The following SLC25A10 variants were observed in gnomAD, a reference collection of about 807,000 sequenced individuals.
SLC25A10 encodes mitochondrial dicarboxylate carrier.
In SLC25A10, 32 loss-of-function variants were observed where a neutral mutation model predicts 40.4. The ratio of observed to expected loss-of-function variants is 0.79; its 90% CI spans 0.60 to 1.06. The LOEUF (loss-of-function observed/expected upper bound fraction) is 1.06, where lower values mean the gene tolerates loss of function less well. Among genes scored for constraint, SLC25A10 ranks in the 50% least tolerant of loss-of-function variants. SLC25A10 has a pLI of 0.00. For missense variants in SLC25A10, 394 were observed against 402.6 expected, an observed-to-expected ratio of 0.98 and a Z score of 0.18; for synonymous variants, 181 against 171.1, an observed-to-expected ratio of 1.06 and a Z score of -0.45.
intron 9 of SLC25A10, among the ~76,000 whole-genome samples, chr17:81,719,614 C>T (rs1216796983): frequency 1.3e-5 from 2 of 152,194 alleles, no homozygotes; most frequent in Admixed American, 6.5e-5. Flanking sequence ...CTGGTTGTAC[C>T]GCATGAGCAG....
chr17:81,713,496 G>A (rs1413436619), intron 1 of SLC25A10: 5 of 985,334 alleles, frequency 5.1e-6, no homozygotes, highest in Non-Finnish European at 4.8e-6. Context: ...TGGTCGCTGC[G>A]TGAAGGCCAG....
At chr17:81,716,595 T>C (rs1415013976) in intron 5 of SLC25A10, 11 of 596,566 alleles carry the variant, frequency 1.8e-5, no homozygotes, top group African/African-American at 3.7e-5. Flanking sequence ...AGGGACTCTG[T>C]TGGAAACGAT....
At chr17:81,715,152 T>A in intron 2 of SLC25A10, 80 bp downstream of exon 2, 1 of 1,555,154 alleles carries the variant, frequency 6.4e-7, no homozygotes, top group Non-Finnish European at 8.7e-7. Flanking sequence ...CCGTCCCCTT[T>A]TCAAGACTTT....
In SLC25A10 at chr17:81,714,978, T is replaced by C; in HGVS notation, c.119T>C (p.Val40Ala). ...GTGCATCTGCAGACGCAGCAGGAGG[T>C]GAAGCTGCGCATGACGGGCATGGCG... ...LKVHLQTQQE[V>A]KLRMTGMALR... Residue 40 changes from valine (V) to alanine (A), a missense_variant, in exon 2 of 11, where the codon GTG (valine) becomes GCG (alanine). Physicochemically the swap from Val to Ala is moderately conservative, Grantham distance 64. Coordinates refer to ENST00000350690, the MANE Select transcript of SLC25A10 (RefSeq NM_012140.5). 1 of 1,609,148 alleles carries C rather than the reference T, an allele frequency of 6.2e-7. No individual in the cohort carries two copies. The highest frequency in any genetic ancestry group is 1.1e-5 in the South Asian group (1 of 90,992).
In SLC25A10 at chr17:81,717,506, T is replaced by G; in HGVS notation, c.627+15T>G. The G allele has an allele frequency of 6.2e-7, 1 of 1,612,996 alleles. No homozygotes were observed. The highest frequency in any genetic ancestry group is 8.5e-7 in the Non-Finnish European group (1 of 1,179,548). ...GCTTTATTGCAGTAAGTGGCCGGCA[T>G]GGCTAGGGTGGGCGTCCCTGGGCCG... On this transcript the variant is annotated intron_variant, in intron 8 of 10. Transcript: ENST00000350690.
rs199532337 is a variant in SLC25A10, at chr17:81,717,046, C to T, written c.508C>T (p.Arg170Ter). The T allele has an allele frequency of 1.7e-5, 28 of 1,613,650 alleles. No individual in the cohort carries two copies. Among genetic ancestry groups the T allele is most frequent in the Non-Finnish European group, 2.1e-5 (25 of 1,179,996 alleles). Residue 170 changes from arginine (R) to a stop codon, truncating the protein, a stop_gained, in exon 7 of 11, where the codon CGA becomes TGA. Coordinates refer to ENST00000350690, the MANE Select transcript of SLC25A10 (RefSeq NM_012140.5). LOFTEE classifies it high-confidence loss of function. ...LFSGATMASS[R>*]GALVTVGQLS... Reference sequence around the variant, plus strand: ...CTCGGGTGCAACCATGGCATCCAGCCGAGGGGCCTTAGTCACTGTGGGCCA... The same window carrying T: ...CTCGGGTGCAACCATGGCATCCAGCTGAGGGGCCTTAGTCACTGTGGGCCA...
At position 81,712,464 on chromosome 17, in the gene SLC25A10, G is replaced by T; in HGVS notation, c.38G>T (p.Gly13Val). ...AEARVSRWYFGGLASCGAACC... is the reference protein window; with the variant it reads ...AEARVSRWYFVGLASCGAACC... The stretch of plus-strand genomic sequence containing the variant: ...GCGCGCGTGTCGCGCTGGTACTTCG[G>T]GGGGCTGGCCTCCTGCGGGGCCGCC... The change falls in exon 1 of 11, where the codon GGG becomes GTG. Residue 13 changes from glycine (G) to valine (V), a missense_variant. Coordinates refer to ENST00000350690, the MANE Select transcript of SLC25A10 (RefSeq NM_012140.5). 11 of 1,310,198 alleles carry T rather than the reference G, an allele frequency of 8.4e-6. No individual in the cohort carries two copies. Among genetic ancestry groups the T allele is most frequent in the Non-Finnish European group, 1.1e-5 (11 of 1,031,032 alleles). The allele number at this position is 1,310,198 out of a possible 1,614,324, so 81.2% of individuals were successfully genotyped here. A position where few individuals can be genotyped will look rare whatever the true frequency, so the allele number is the denominator to read the frequency against.
chr17:81,717,549 C>T, intron 8 of SLC25A10, 58 bp downstream of exon 8: 4 of 1,579,992 alleles, frequency 2.5e-6, no homozygotes, highest in Non-Finnish European at 2.6e-6. Context: ...GCGCTGAGGG[C>T]ACCCAGGATG....
intron 2 of SLC25A10, 89 bp from the exon 3 acceptor site, chr17:81,715,389 G>A: frequency 8.3e-7 from 1 of 1,202,324 alleles, no homozygotes; most frequent in Non-Finnish European, 1.2e-6. Context: ...TGGCCCCTCG[G>A]GCTGAGGGGG....
chr17:81,715,070 C>G lies in SLC25A10; in HGVS notation c.211C>G (p.Gln71Glu). Residue 71 changes from glutamine to glutamate, a missense_variant and splice_region_variant, in exon 2 of 11, where the codon CAG (glutamine) becomes GAG (glutamate). Gln to Glu is a conservative substitution (Grantham distance 29). Coordinates refer to ENST00000350690, the MANE Select transcript of SLC25A10 (RefSeq NM_012140.5). ...YSGLSASLCR[Q>E]MTYSLTRFAI... ...CGGCCTGAGCGCCTCGCTGTGCAGA[C>G]AGGTGCGTGGTGTGTGCCAGCCTTG... is the stretch of plus-strand genomic sequence containing the variant. 1 of 1,609,520 alleles carries G rather than the reference C, an allele frequency of 6.2e-7. No individual in the cohort carries two copies. The highest frequency in any genetic ancestry group is 8.5e-7 in the Non-Finnish European group (1 of 1,179,752).
At chr17:81,714,846 G>T (rs1179021467) in intron 1 of SLC25A10, 107 bp from the exon 2 acceptor site, 2 of 1,473,070 alleles carry the variant, frequency 1.4e-6, no homozygotes, top group East Asian at 4.8e-5. Flanking sequence ...GGGCAGGGCC[G>T]TGGGAGGCCT....
rs1598211304 is a variant in SLC25A10 at position 81,715,015 on chromosome 17, G to A, written c.156G>A (p.Val52=). ...TGACGGGCATGGCGCTGCGGGTGGT[G>A]CGTACCGACGGCATCCTGGCACTCT... The part of the protein sequence containing the change: ...LRMTGMALRV[V]RTDGILALYS... Residue 52 remains valine (V), a synonymous_variant, in exon 2 of 11, where the codon GTG becomes GTA. Transcript: ENST00000350690. 6.2e-7 allele frequency: 1 copy of A among 1,610,086 alleles called. No individual in the cohort carries two copies.
chr17:81,714,567 G>A (rs566246765), intron 1 of SLC25A10, among the ~76,000 whole-genome samples: 84 of 152,310 alleles, frequency 5.5e-4, no homozygotes, highest in African/African-American at 1.9e-3. Flanking sequence ...CTCTTGAGAC[G>A]TGGTGTGGTG....
chr17:81,715,395 G>C, intron 2 of SLC25A10, 83 bp from the exon 3 acceptor site: 1 of 1,253,712 alleles, frequency 8.0e-7, no homozygotes, highest in Non-Finnish European at 1.1e-6. Context: ...CTCGGGCTGA[G>C]GGGGATCCCT....
chr17:81,715,774 G>A (rs2037475186), intron 4 of SLC25A10, 33 bp downstream of exon 4: 1 of 1,612,516 alleles, frequency 6.2e-7, no homozygotes, highest in Admixed American at 1.7e-5. Context: ...TGCAAGGCCA[G>A]GGGCTTTCTT....
intron 8 of SLC25A10, 45 bp from the exon 9 acceptor site, chr17:81,717,739 G>A (rs760826682): frequency 1.3e-6 from 2 of 1,591,822 alleles, no homozygotes; most frequent in Non-Finnish European, 1.7e-6. Flanking sequence ...CGGCGATGGT[G>A]CCTGGCGTAC....
Position 81,719,841 on chromosome 17 carries a change from A to C in SLC25A10, c.716A>C (p.His239Pro). 1.9e-6 allele frequency: 3 copies of C among 1,613,420 alleles called. No homozygotes were observed. Among genetic ancestry groups the C allele is most frequent in the Non-Finnish European group, 2.5e-6 (3 of 1,179,938 alleles). The change falls in exon 10 of 11, where the codon CAC becomes CCC. Residue 239 changes from histidine (H) to proline (P), a missense_variant. By Grantham distance (77) the His-to-Pro change is moderately conservative. Transcript: ENST00000350690. The stretch of plus-strand genomic sequence containing the variant: ...CTGCGTTTTCTGCAGGGCGTTTTCC[A>C]CTGCGCCGTGGAGACAGCGAAGCTC... ...NSKGEYQGVF[H>P]CAVETAKLGP...
In SLC25A10 at chr17:81,720,117, T is replaced by G; in HGVS notation, c.*40T>G. 6.2e-7 allele frequency: 1 copy of G among 1,608,618 alleles called. No individual in the cohort carries two copies. The highest frequency in any genetic ancestry group is 8.5e-7 in the Non-Finnish European group (1 of 1,179,636). The stretch of plus-strand genomic sequence containing the variant: ...GGCTGGGCTGCCAGGCCAGACACGC[T>G]AGGTTCTTCCAAAGAGTCCCAAGCC... On this transcript the variant is annotated 3_prime_UTR_variant, in exon 11 of 11. Transcript: ENST00000350690.
chr17:81,715,931 C>T, intron 4 of SLC25A10, 78 bp from the exon 5 acceptor site: 13 of 1,493,948 alleles, frequency 8.7e-6, no homozygotes, highest in Non-Finnish European at 1.2e-5. Context: ...CGCTGACCAG[C>T]GTGAGCTCCC....
Sources: allele counts gnomAD v4.1 joint callset (sites outside exome capture counted in the v4.1 genomes callset), GRCh38; gene constraint gnomAD v4.1.1; transcripts MANE v1.5; gene names NCBI Gene and HGNC (gene_info 2026-07-23, HGNC 2026-07-21).